Variants in DNAJC17 observed in about 807,000 individuals in gnomAD.
DNAJC17 encodes the protein DnaJ heat shock protein family (Hsp40) member C17, also known as dnaJ homolog subfamily C member 17.
Under a neutral mutation model 48.1 loss-of-function variants are expected in DNAJC17, and 35 were observed. The observed-to-expected ratio is 0.73, with a 90% confidence interval of 0.56 to 0.96. The LOEUF (loss-of-function observed/expected upper bound fraction) is 0.96, where lower values mean the gene tolerates loss of function less well. Ranked by LOEUF, DNAJC17 falls within the 50% of genes least tolerant of loss-of-function variation. DNAJC17 has a pLI of 0.00. For synonymous variants in DNAJC17, 117 were observed against 142.7 expected (o/e 0.82, Z 1.28); for missense variants, 355 against 377.1 (o/e 0.94, Z 0.48).
chr15:40,771,273 T>G, intron 10 of DNAJC17: 1 of 539,152 alleles, frequency 1.9e-6, no homozygotes, highest in Non-Finnish European at 3.4e-6. Context: ...CGGCCCTTCC[T>G]GGCAGGACCC....
chr15:40,807,303 C>A (rs778392041), intron 1 of DNAJC17, 66 bp downstream of exon 1: 3 of 1,613,394 alleles, frequency 1.9e-6, no homozygotes, highest in South Asian at 2.2e-5. Flanking sequence ...CAGCAGTGGC[C>A]GAGGCGCTAG....
At chr15:40,781,153 G>GA (rs11337976) in intron 1 of DNAJC17, among the ~76,000 whole-genome samples, 258 of 88,926 alleles carry the variant, frequency 2.9e-3, no homozygotes, top group South Asian at 0.018. Flanking sequence ...CTCCATCTCA[G>GA]AAAAAAAAAA....
chr15:40,800,689 A>C (rs1244801278), intron 1 of DNAJC17, among the ~76,000 whole-genome samples: 1 of 141,512 alleles, frequency 7.1e-6, no homozygotes, highest in Non-Finnish European at 1.6e-5. Flanking sequence ...ATAAGCCATT[A>C]AAAAAAAAAA....
intron 4 of DNAJC17, 31 bp downstream of exon 4, chr15:40,779,192 A>T: frequency 1.2e-6 from 2 of 1,605,218 alleles, no homozygotes; most frequent in Non-Finnish European, 1.7e-6. Context: ...ACAGGAAACC[A>T]CAGGCCACCG....
rs1888944180 is a variant in DNAJC17, at chr15:40,766,149, G to A, written c.*1791C>T. On this transcript the variant is annotated 3_prime_UTR_variant, in exon 11 of 11. Coordinates refer to ENST00000220496, the MANE Select transcript of DNAJC17 (RefSeq NM_018163.3). ...AGCTTTCCACATCCTTACTGGAACC[G>A]CAGAAACAGAGTCCGTTCCCTGGGT... 8.1e-6 allele frequency: 3 copies of A among 369,802 alleles called. No individual in the cohort carries two copies. Among genetic ancestry groups the A allele is most frequent in the Non-Finnish European group, 9.8e-6 (2 of 203,524 alleles). The allele number at this position is 369,802 out of a possible 1,614,324, so 22.9% of individuals were successfully genotyped here. A position where few individuals can be genotyped will look rare whatever the true frequency, so the allele number is the denominator to read the frequency against.
At chr15:40,806,336 A>G in intron 1 of DNAJC17, among the ~76,000 whole-genome samples, 1 of 145,974 alleles carries the variant, frequency 6.9e-6, no homozygotes, top group Non-Finnish European at 1.5e-5. Flanking sequence ...CTCCTGCCTC[A>G]GCCTCCCAAG....
At chr15:40,797,817 G>A (rs1472045931) in intron 1 of DNAJC17, among the ~76,000 whole-genome samples, 1 of 150,968 alleles carries the variant, frequency 6.6e-6, no homozygotes, top group East Asian at 1.9e-4. Flanking sequence ...CGCCTCCTGG[G>A]TTCAAGCAAT....
Position 40,779,204 on chromosome 15 carries a change from G to T in DNAJC17, c.295+19C>A. 2 of 1,609,664 alleles carry T rather than the reference G, an allele frequency of 1.2e-6. No individual in the cohort carries two copies. Among genetic ancestry groups the T allele is most frequent in the Non-Finnish European group, 1.7e-6 (2 of 1,175,960 alleles). ...ACCACAGGAAACCACAGGCCACCGA[G>T]CACTATGATGGCACCTACCAAGCTT... On this transcript the variant is annotated intron_variant, in intron 4 of 10. Transcript: ENST00000220496.
rs532506013 is a variant in DNAJC17 at position 40,767,270 on chromosome 15, A to G, written c.*670T>C. ...GACCCTCCCCGCATAGTCCTGGACAAGCTGGAACGCAGGGGCTTCCGTGTG... is the reference window on the plus strand; with the variant it reads ...GACCCTCCCCGCATAGTCCTGGACAGGCTGGAACGCAGGGGCTTCCGTGTG... On this transcript the variant is annotated 3_prime_UTR_variant, in exon 11 of 11. Coordinates refer to ENST00000220496, the MANE Select transcript of DNAJC17 (RefSeq NM_018163.3). 1.9e-6 allele frequency: 3 copies of G among 1,604,084 alleles called. No individual in the cohort carries two copies. The highest frequency in any genetic ancestry group is 2.3e-5 in the East Asian group (1 of 43,646).
At chr15:40,791,660 C>G (rs1263358858) in intron 1 of DNAJC17, among the ~76,000 whole-genome samples, 2 of 152,098 alleles carry the variant, frequency 1.3e-5, no homozygotes, top group Non-Finnish European at 2.9e-5. Context: ...GCCTGGCCAA[C>G]ATGGTGAAAT....
At chr15:40,776,773 C>A in intron 4 of DNAJC17, 146 bp from the exon 5 acceptor site, 1 of 710,992 alleles carries the variant, frequency 1.4e-6, no homozygotes, top group Non-Finnish European at 2.4e-6. Flanking sequence ...TGCCCACGCC[C>A]CCGAGTCAAT....
At chr15:40,787,494 C>T (rs1374692571) in intron 1 of DNAJC17, among the ~76,000 whole-genome samples, 3 of 152,158 alleles carry the variant, frequency 2.0e-5, no homozygotes, top group Non-Finnish European at 4.4e-5. Context: ...CTGCTAACAC[C>T]TCCTCTTAAA....
At position 40,770,242 on chromosome 15, in the gene DNAJC17, G is replaced by C. The variant is rs2141944356; in HGVS notation, c.793-2180C>G. On this transcript the variant is annotated intron_variant, in intron 10 of 10. Transcript: ENST00000220496. The surrounding 1 kb of genome is among the most constrained non-coding windows in gnomAD (Gnocchi z 5.0). ...TTTCCACTACCCTATTCAGTAACCA[G>C]GCCACTCCTGTCCCTGTGGGAAACT... The C allele has an allele frequency of 1.9e-6, 1 of 533,902 alleles. No homozygotes were observed. Among genetic ancestry groups the C allele is most frequent in the East Asian group, 3.1e-5 (1 of 31,954 alleles). 33.1% of individuals were successfully genotyped at this position (533,902 alleles called of 1,614,324 possible). A position where few individuals can be genotyped will look rare whatever the true frequency, so the allele number is the denominator to read the frequency against.
At position 40,767,047 on chromosome 15, in the gene DNAJC17, C is replaced by T; in HGVS notation, c.*893G>A. On this transcript the variant is annotated 3_prime_UTR_variant, in exon 11 of 11. Transcript: ENST00000220496. ...TTGTTGGGAAGAATAAATGAGATAG[C>T]TCGTGAAGTACCTAGAAGGGGAGGA... is the stretch of plus-strand genomic sequence containing the variant. 6.0e-6 allele frequency: 3 copies of T among 496,682 alleles called. No individual in the cohort carries two copies. Among genetic ancestry groups the T allele is most frequent in the South Asian group, 5.2e-5 (1 of 19,256 alleles). 30.8% of individuals were successfully genotyped at this position (496,682 alleles called of 1,614,324 possible). A position where few individuals can be genotyped will look rare whatever the true frequency, so the allele number is the denominator to read the frequency against.
At position 40,770,816 on chromosome 15, in the gene DNAJC17, T is replaced by C; in HGVS notation, c.793-2754A>G. The C allele has an allele frequency of 6.4e-7, 1 of 1,550,632 alleles. No homozygotes were observed. The highest frequency in any genetic ancestry group is 1.2e-5 in the South Asian group (1 of 84,052). The stretch of plus-strand genomic sequence containing the variant: ...CACCTGCCTACACAGCAGCCTACTC[T>C]GCCACCCTGCCATCGGCGCTCTCTC... On this transcript the variant is annotated intron_variant, in intron 10 of 10. Coordinates refer to ENST00000220496, the MANE Select transcript of DNAJC17 (RefSeq NM_018163.3). The surrounding 1 kb of genome is among the most constrained non-coding windows in gnomAD (Gnocchi z 5.0).
chr15:40,792,895 CTTTTTTTTTTTTT>C (rs563611021), intron 1 of DNAJC17, among the ~76,000 whole-genome samples: 8 of 126,300 alleles, frequency 6.3e-5, no homozygotes, highest in African/African-American at 2.5e-4. Flanking sequence ...AAGATCCCTT[CTTTTTTTTTTTTT>C]TTTTTTTGAG....
chr15:40,784,015 T>C (rs970474053), intron 1 of DNAJC17, among the ~76,000 whole-genome samples: 1 of 151,066 alleles, frequency 6.6e-6, no homozygotes, highest in East Asian at 1.9e-4. Flanking sequence ...TCAGTTGAGG[T>C]CAGGAATTCG....
chr15:40,776,161 T>C (rs773652605), intron 6 of DNAJC17, 35 bp downstream of exon 6: 7 of 1,604,326 alleles, frequency 4.4e-6, no homozygotes, highest in Middle Eastern at 2.2e-4. Flanking sequence ...TGGAGCTACC[T>C]TGGAGGGGAG....
intron 4 of DNAJC17, among the ~76,000 whole-genome samples, chr15:40,777,554 A>T (rs1298892871): frequency 6.6e-6 from 1 of 152,070 alleles, no homozygotes; most frequent in Non-Finnish European, 1.5e-5. Flanking sequence ...CTCCGTCTCT[A>T]CTAAAAATAC....
Sources: allele counts gnomAD v4.1 joint callset (sites outside exome capture counted in the v4.1 genomes callset), GRCh38; gene constraint gnomAD v4.1.1; non-coding constraint Gnocchi (gnomAD v3.1); transcripts MANE v1.5; gene names NCBI Gene and HGNC (gene_info 2026-07-23, HGNC 2026-07-21).